HDAC4: variants seen among roughly 807,000 people sequenced by gnomAD.
HDAC4 encodes the protein histone deacetylase 4, also known as histone deacetylase A.
HDAC4 carries 16 observed loss-of-function variants against 135.1 expected under a neutral mutation model. The observed-to-expected ratio is 0.12, with a 90% confidence interval of 0.08 to 0.18. HDAC4 has a LOEUF of 0.18. HDAC4 is among the 10% of genes least tolerant of loss of function. The pLI, the probability that HDAC4 is intolerant of heterozygous loss-of-function variation, is 1.00. For missense variants in HDAC4, 1,143 were observed against 1,511.8 expected (o/e 0.76, Z 4.05); for synonymous variants, 685 against 653.4 (o/e 1.05, Z -0.74).
chr2:239,102,032 A>G (rs1432000142), intron 16 of HDAC4, among the ~76,000 whole-genome samples: 2 of 64,570 alleles, frequency 3.1e-5, no homozygotes, highest in African/African-American at 1.1e-4. Flanking sequence ...CCCCGGGTCC[A>G]CGTTCTGTGC....
chr2:239,181,862 C>A (rs2044174337), intron 4 of HDAC4, among the ~76,000 whole-genome samples: 1 of 152,218 alleles, frequency 6.6e-6, no homozygotes, highest in African/African-American at 2.4e-5. Context: ...CTCCGTGCGG[C>A]CTGATTGTCA....
At chr2:239,144,007 C>T (rs918952489) in intron 8 of HDAC4, among the ~76,000 whole-genome samples, 1 of 152,072 alleles carries the variant, frequency 6.6e-6, no homozygotes, top group Non-Finnish European at 1.5e-5. Flanking sequence ...TCAAGAGGGG[C>T]GGGTGAGCCT....
rs1387862000 is a variant in HDAC4 at position 239,400,716 on chromosome 2, C to G, written c.-220+262G>C. 6.9e-6 allele frequency: 1 copy of G among 145,630 alleles called. No individual in the cohort carries two copies. The highest frequency in any genetic ancestry group is 1.5e-5 in the Non-Finnish European group (1 of 65,426). 9.0% of individuals were successfully genotyped at this position (145,630 alleles called of 1,614,324 possible). On this transcript the variant is annotated intron_variant, in intron 1 of 26. Coordinates refer to ENST00000543185, the MANE Select transcript of HDAC4 (RefSeq NM_001378414.1). The surrounding 1 kb of genome is among the most constrained non-coding windows in gnomAD (Gnocchi z 4.7). Reference sequence around the variant, plus strand: ...CCGCGGCGGGCGGCGGCGGCCGGCTCTAGCCCTGCTCCGGCGCTCCGCGCC... The same window carrying G: ...CCGCGGCGGGCGGCGGCGGCCGGCTGTAGCCCTGCTCCGGCGCTCCGCGCC...
At chr2:239,394,290 G>C (rs143996775) in intron 1 of HDAC4, among the ~76,000 whole-genome samples, 3,922 of 152,320 alleles carry the variant, frequency 0.026, 71 homozygotes, top group Non-Finnish European at 0.037. Flanking sequence ...TTTTTAAACA[G>C]AGCAGACTCC....
intron 2 of HDAC4, among the ~76,000 whole-genome samples, chr2:239,271,707 G>A (rs576108520): frequency 2.6e-5 from 4 of 152,316 alleles, no homozygotes; most frequent in South Asian, 2.1e-4. Flanking sequence ...TCTGGACCCC[G>A]AAGACAGGTT....
At chr2:239,297,846 T>C (rs1002436289) in intron 2 of HDAC4, among the ~76,000 whole-genome samples, 7 of 152,192 alleles carry the variant, frequency 4.6e-5, no homozygotes, top group African/African-American at 1.4e-4. Context: ...ATTGAGACCT[T>C]GAAAGTGAAA....
intron 5 of HDAC4, among the ~76,000 whole-genome samples, chr2:239,169,064 T>C (rs2043288810): frequency 6.6e-6 from 1 of 152,220 alleles, no homozygotes; most frequent in East Asian, 1.9e-4. Context: ...CTCAAGATGG[T>C]ATTTTTATTG....
chr2:239,113,240 ACT>A (rs1260971535), intron 13 of HDAC4, among the ~76,000 whole-genome samples: 1 of 151,924 alleles, frequency 6.6e-6, no homozygotes, highest in Admixed American at 6.6e-5. Flanking sequence ...ACAGAGTGAG[ACT>A]CTGTCTCACA....
chr2:239,144,596 C>T lies in HDAC4; in HGVS notation c.852G>A (p.Pro284=), dbSNP rs149881034. Residue 284 remains proline (P), a synonymous_variant, in exon 8 of 27, where the codon CCG becomes CCA. Transcript: ENST00000543185. ...CAGCCGACATACCTGTGACATCCAACGGACGCTTTTTTAGAGCAGTGACCA... is the reference window on the plus strand; with the variant it reads ...CAGCCGACATACCTGTGACATCCAATGGACGCTTTTTTAGAGCAGTGACCA... ...GPVVTALKKR[P]LDVTDSACSS... is the part of the protein sequence containing the mutation. 96 of 1,614,032 alleles carry T rather than the reference C, an allele frequency of 5.9e-5. 1 individual carries two copies. Among genetic ancestry groups the T allele is most frequent in the African/African-American group, 4.0e-4 (30 of 75,046 alleles).
rs144391864 is a variant in HDAC4 at position 239,308,669 on chromosome 2, CG to C, written c.22+44008del. Reference sequence around the variant, plus strand: ...AGGCAGAGTGTGGTTAACAGGCCTCCGGGTGTCCCCCCCTTCCAGCCCAGTG... The same window carrying C: ...AGGCAGAGTGTGGTTAACAGGCCTCCGGTGTCCCCCCCTTCCAGCCCAGTG... On this transcript the variant is annotated intron_variant, in intron 2 of 26. Transcript: ENST00000543185. This position sits in a 1 kb window ranked among gnomAD's most constrained non-coding sequence, Gnocchi z 4.2. Among the ~76,000 whole-genome samples, 20,509 of 152,140 alleles carry C rather than the reference CG, an allele frequency of 0.13. 1,824 individuals are homozygous for C. Among genetic ancestry groups the C allele is most frequent in the Non-Finnish European group, 0.21 (14,004 of 67,958 alleles).
intron 18 of HDAC4, among the ~76,000 whole-genome samples, chr2:239,088,907 G>C (rs2036239075): frequency 6.6e-6 from 1 of 152,126 alleles, no homozygotes; most frequent in Admixed American, 6.5e-5. Context: ...GATACTGTAT[G>C]GGTCAGAATA....
intron 1 of HDAC4, among the ~76,000 whole-genome samples, chr2:239,394,712 G>A (rs1216728148): frequency 6.6e-6 from 1 of 152,268 alleles, no homozygotes; most frequent in Admixed American, 6.5e-5. Context: ...ACCCCGCAGA[G>A]GGGCCAGGCC....
At chr2:239,398,180 C>T (rs7608582) in intron 1 of HDAC4, among the ~76,000 whole-genome samples, 18,434 of 152,266 alleles carry the variant, frequency 0.12, 2,534 homozygotes, top group African/African-American at 0.34. Flanking sequence ...GCGGCTCCTT[C>T]GCGCCCTACA....
chr2:239,272,953 G>A (rs559049396), intron 2 of HDAC4, among the ~76,000 whole-genome samples: 4 of 152,258 alleles, frequency 2.6e-5, no homozygotes, highest in East Asian at 3.9e-4. Flanking sequence ...CACGATGAGC[G>A]GCAGAGTCAG....
chr2:239,278,787 T>C (rs2125331583), intron 2 of HDAC4, among the ~76,000 whole-genome samples: 1 of 152,332 alleles, frequency 6.6e-6, no homozygotes, highest in East Asian at 1.9e-4. Context: ...GGAAACGGCT[T>C]TCCTGCCCAT....
intron 2 of HDAC4, among the ~76,000 whole-genome samples, chr2:239,284,581 C>A (rs978886805): frequency 6.6e-6 from 1 of 152,234 alleles, no homozygotes; most frequent in Non-Finnish European, 1.5e-5. Context: ...CCGGTGCCAA[C>A]AGAGGCAGAG....
chr2:239,089,623 G>A (rs928492746), intron 18 of HDAC4: 10 of 181,104 alleles, frequency 5.5e-5, no homozygotes, highest in East Asian at 4.7e-4. Flanking sequence ...CACTGTGCCC[G>A]GTCGCTATTT....
At chr2:239,148,817 G>A (rs1196806208) in intron 7 of HDAC4, among the ~76,000 whole-genome samples, 1 of 152,236 alleles carries the variant, frequency 6.6e-6, no homozygotes, top group Non-Finnish European at 1.5e-5. Context: ...GGGCAGTGGG[G>A]CCAGAAGCAC....
chr2:239,085,805 C>G (rs200129040), intron 19 of HDAC4: 3 of 145,462 alleles, frequency 2.1e-5, no homozygotes, highest in Non-Finnish European at 3.0e-5. Context: ...TGCTCTAACA[C>G]GCGGATCTGA....
Sources: allele counts gnomAD v4.1 joint callset (sites outside exome capture counted in the v4.1 genomes callset), GRCh38; gene constraint gnomAD v4.1.1; non-coding constraint Gnocchi (gnomAD v3.1); transcripts MANE v1.5; gene names NCBI Gene and HGNC (gene_info 2026-07-23, HGNC 2026-07-21).